The following TSTD2 variants were observed in gnomAD, a reference collection of about 807,000 sequenced individuals.
TSTD2 encodes thiosulfate sulfurtransferase/rhodanese-like domain-containing protein 2.
TSTD2 carries 37 observed loss-of-function variants against 47.9 expected under a neutral mutation model. That is an observed-to-expected ratio of 0.77 (90% CI 0.59 to 1.02). The LOEUF (loss-of-function observed/expected upper bound fraction) is 1.02. TSTD2 is among the 50% of genes least tolerant of loss of function. TSTD2 has a pLI of 0.00. For missense variants in TSTD2, 586 were observed against 616.0 expected, an observed-to-expected ratio of 0.95 and a Z score of 0.52; for synonymous variants, 201 against 215.9, an observed-to-expected ratio of 0.93 and a Z score of 0.61.
chr9:97,623,933 C>T (rs1035675208), intron 3 of TSTD2, among the ~76,000 whole-genome samples: 2 of 152,014 alleles, frequency 1.3e-5, no homozygotes, highest in African/African-American at 4.8e-5. Flanking sequence ...TGGTCTTTGG[C>T]TATATATAGT....
rs7854329 is a variant in TSTD2, at chr9:97,604,748, A to G, written c.1231T>C (p.Tyr411His). The change falls in exon 9 of 10, where the codon TAC becomes CAC. Residue 411 changes from tyrosine to histidine, a missense_variant. Tyr to His is a moderately conservative substitution (Grantham distance 83). Coordinates refer to ENST00000341170, the MANE Select transcript of TSTD2 (RefSeq NM_139246.5). ...CTACCTGACACCACATCACTGTTGTAGGACAGAGCATAGCGTTCATCAAAA... is the reference window on the plus strand; with the variant it reads ...CTACCTGACACCACATCACTGTTGTGGGACAGAGCATAGCGTTCATCAAAA... ...FVFDERYALS[Y>H]NSDVVSECSY... 4.2e-4 allele frequency: 684 copies of G among 1,614,226 alleles called. 4 individuals carry two copies. The African/African-American group carries it at 7.3e-3, about 17-fold the overall frequency.
rs1826440913 is a variant in TSTD2 at position 97,610,508 on chromosome 9, G to C, written c.730-57C>G. 3.9e-6 allele frequency: 5 copies of C among 1,281,378 alleles called. No individual in the cohort carries two copies. The Admixed American group carries it at 8.4e-5, about 22-fold the overall frequency. 79.4% of individuals were successfully genotyped at this position (1,281,378 alleles called of 1,614,324 possible). The stretch of plus-strand genomic sequence containing the variant: ...CTTGCTGTCCCATCTCCAGGTATAA[G>C]ACAAGTGCCAATATAAGAATGATGG... On this transcript the variant is annotated intron_variant, in intron 5 of 9. Coordinates refer to ENST00000341170, the MANE Select transcript of TSTD2 (RefSeq NM_139246.5).
At chr9:97,608,278 T>C (rs964063927) in intron 6 of TSTD2, among the ~76,000 whole-genome samples, 6 of 152,206 alleles carry the variant, frequency 3.9e-5, no homozygotes, top group East Asian at 1.9e-4. Context: ...GCTGCTATGA[T>C]TGCAGTTGTT....
chr9:97,606,268 C>A lies in TSTD2; in HGVS notation c.836-7G>T. On this transcript the variant is annotated splice_region_variant and splice_polypyrimidine_tract_variant and intron_variant, in intron 6 of 9. Transcript: ENST00000341170. ...CCTGGGGATAAATGGATTCCTAAAA[C>A]CAAACCAAAAAAATTATATTAAAAC... is the stretch of plus-strand genomic sequence containing the variant. 2 of 1,532,208 alleles carry A rather than the reference C, an allele frequency of 1.3e-6. No individual in the cohort carries two copies. The highest frequency in any genetic ancestry group is 1.4e-5 in the African/African-American group (1 of 71,992). 94.9% of individuals were successfully genotyped at this position (1,532,208 alleles called of 1,614,324 possible). A position where few individuals can be genotyped will look rare whatever the true frequency, so the allele number is the denominator to read the frequency against.
At chr9:97,607,638 C>T (rs1826386105) in intron 6 of TSTD2, among the ~76,000 whole-genome samples, 1 of 152,200 alleles carries the variant, frequency 6.6e-6, no homozygotes, top group Non-Finnish European at 1.5e-5. Context: ...CATGGTGGCT[C>T]ACACCTATAA....
At chr9:97,603,780 A>G (rs1206147091) in intron 9 of TSTD2, among the ~76,000 whole-genome samples, 1 of 152,012 alleles carries the variant, frequency 6.6e-6, no homozygotes, top group Admixed American at 6.6e-5. Flanking sequence ...ACTCACTGCA[A>G]CCTCAACCTC....
chr9:97,611,181 A>C (rs1826452377), intron 5 of TSTD2: 2 of 164,160 alleles, frequency 1.2e-5, no homozygotes, highest in African/African-American at 4.8e-5. Context: ...TCACGTCCAT[A>C]TCTCAGCACT....
At chr9:97,610,522 T>C (rs749354666) in intron 5 of TSTD2, 71 bp from the exon 6 acceptor site, 2 of 1,143,026 alleles carry the variant, frequency 1.7e-6, no homozygotes, top group Non-Finnish European at 2.4e-6. Flanking sequence ...AGTGCCAATA[T>C]AAGAATGATG....
At chr9:97,610,276 T>TAG (rs761965863) in intron 6 of TSTD2, 70 bp downstream of exon 6, 1 of 1,397,434 alleles carries the variant, frequency 7.2e-7, no homozygotes, top group South Asian at 1.3e-5. Flanking sequence ...TCACAGTGCC[T>TAG]AGCTTTCTTA....
At chr9:97,618,037 C>T (rs559970184) in intron 3 of TSTD2, among the ~76,000 whole-genome samples, 160 bp from the exon 4 acceptor site, 3 of 152,320 alleles carry the variant, frequency 2.0e-5, no homozygotes, top group Admixed American at 2.0e-4. Flanking sequence ...TGAGAAGCAA[C>T]TTCTTTTTAT....
chr9:97,611,898 G>A (rs1231280425), intron 4 of TSTD2, among the ~76,000 whole-genome samples, 199 bp from the exon 5 acceptor site: 1 of 152,160 alleles, frequency 6.6e-6, no homozygotes, highest in African/African-American at 2.4e-5. Flanking sequence ...GGATACAAGT[G>A]CAGGTTTGCT....
Position 97,627,621 on chromosome 9 carries a change from TA to T in TSTD2, c.-50-10del. On this transcript the variant is annotated splice_polypyrimidine_tract_variant and intron_variant, in intron 1 of 9. Transcript: ENST00000341170. ...TTTCAGTTAAATACCTCCTAGAATA[TA>T]AATAAGAAAGAAGCAGCCATGCTAT... 7.0e-7 allele frequency: 1 copy of T among 1,426,856 alleles called. No homozygotes were observed. Among genetic ancestry groups the T allele is most frequent in the Non-Finnish European group, 9.4e-7 (1 of 1,066,556 alleles). 88.4% of individuals were successfully genotyped at this position (1,426,856 alleles called of 1,614,324 possible).
intron 4 of TSTD2, among the ~76,000 whole-genome samples, chr9:97,612,437 G>A (rs1826474232): frequency 6.6e-6 from 1 of 152,214 alleles, no homozygotes; most frequent in Non-Finnish European, 1.5e-5. Context: ...CTTCCACAAC[G>A]GTTGAGCTAA....
rs1289521803 is a variant in TSTD2 at position 97,615,688 on chromosome 9, TG to T, written c.603+2068del. Among the ~76,000 whole-genome samples, 8 of 152,332 alleles carry T rather than the reference TG, an allele frequency of 5.3e-5. No homozygotes were observed. The East Asian group carries it at 9.6e-4, about 18-fold the overall frequency. ...GATCTAGGCAAGTGCTGCCACCTTGTGGGTAAGATCCCTCATTGCTAATTTA... is the reference window on the plus strand; with the variant it reads ...GATCTAGGCAAGTGCTGCCACCTTGTGGTAAGATCCCTCATTGCTAATTTA... On this transcript the variant is annotated intron_variant, in intron 4 of 9. Transcript: ENST00000341170.
Position 97,601,652 on chromosome 9 carries a change from A to G in TSTD2, c.*817T>C, listed in dbSNP as rs79375690. 5.9e-3 allele frequency: 5,247 copies of G among 884,428 alleles called. 220 individuals are homozygous for G. The African/African-American group carries it at 0.088, about 15-fold the overall frequency. The allele number at this position is 884,428 out of a possible 1,614,324, so 54.8% of individuals were successfully genotyped here. On this transcript the variant is annotated 3_prime_UTR_variant, in exon 10 of 10. Coordinates refer to ENST00000341170, the MANE Select transcript of TSTD2 (RefSeq NM_139246.5). ...AAAAATTTCCGATTTTGCAGGCCAC[A>G]TAGTGTCTGTTGCAACTATTCAACT...
intron 1 of TSTD2, among the ~76,000 whole-genome samples, 177 bp downstream of exon 1, chr9:97,633,066 C>A (rs1471827315): frequency 1.1e-4 from 16 of 152,268 alleles, no homozygotes; most frequent in Admixed American, 9.8e-4. Flanking sequence ...TGACGGCCAG[C>A]CGGCAAGCCC....
intron 3 of TSTD2, among the ~76,000 whole-genome samples, chr9:97,619,692 C>T: frequency 6.6e-6 from 1 of 151,940 alleles, no homozygotes; most frequent in Admixed American, 6.6e-5. Flanking sequence ...ATACAGTATA[C>T]AATATATAAT....
In TSTD2 at chr9:97,625,707, G is replaced by A. The variant is rs373771454; in HGVS notation, c.456C>T (p.Ser152=). Residue 152 remains serine (S), a synonymous_variant, in exon 3 of 10, where the codon AGC becomes AGT. Transcript: ENST00000341170. ...TTATCAGCTCATCAGGGTTAAAGCAGCTTATATCAGGGAGCCAAGCAGACA... is the reference window on the plus strand; with the variant it reads ...TTATCAGCTCATCAGGGTTAAAGCAACTTATATCAGGGAGCCAAGCAGACA... The part of the protein sequence containing the change: ...HDVSAWLPDI[S]CFNPDELISG... 2.7e-5 allele frequency: 43 copies of A among 1,613,594 alleles called. No individual in the cohort carries two copies. Among genetic ancestry groups the A allele is most frequent in the Non-Finnish European group, 3.6e-5 (42 of 1,179,800 alleles).
chr9:97,614,824 A>T (rs190865335), intron 4 of TSTD2, among the ~76,000 whole-genome samples: 2 of 152,354 alleles, frequency 1.3e-5, no homozygotes, highest in East Asian at 3.9e-4. Flanking sequence ...GGTCACATCC[A>T]GACTCCTTGA....
Sources: gnomAD v4.1 joint callset for allele counts (sites outside exome capture counted in the v4.1 genomes callset) on GRCh38, gnomAD v4.1.1 for gene constraint, MANE v1.5 for transcripts, NCBI Gene and HGNC (gene_info 2026-07-23, HGNC 2026-07-21) for gene names.